Variants in NKAIN3 observed in about 807,000 individuals in gnomAD.
NKAIN3 encodes sodium/potassium-transporting ATPase subunit beta-1-interacting protein 3.
NKAIN3 carries 25 observed loss-of-function variants against 30.2 expected under a neutral mutation model. The observed-to-expected ratio is 0.83, with a 90% CI of 0.60 to 1.16. The LOEUF (loss-of-function observed/expected upper bound fraction) is 1.16, where lower values mean the gene tolerates loss of function less well. Ranked by LOEUF, NKAIN3 falls within the 50% of genes most tolerant of loss-of-function variation. The pLI, the probability that NKAIN3 is intolerant of heterozygous loss-of-function variation, is 0.00. For synonymous variants in NKAIN3, 91 were observed against 89.6 expected (o/e 1.02, Z -0.09); for missense variants, 225 against 254.1 (o/e 0.89, Z 0.78).
intron 1 of NKAIN3, among the ~76,000 whole-genome samples, chr8:62,415,390 T>A (rs1804412968): frequency 6.7e-6 from 1 of 149,434 alleles, no homozygotes; most frequent in African/African-American, 2.4e-5. Flanking sequence ...ATTATAATAA[T>A]TGCTAAATAA....
intron 4 of NKAIN3, among the ~76,000 whole-genome samples, chr8:62,778,379 G>A (rs923139982): frequency 2.0e-5 from 3 of 152,096 alleles, no homozygotes; most frequent in Non-Finnish European, 4.4e-5. Context: ...ACCAGATACT[G>A]TATGCTACGG....
chr8:62,671,119 C>T (rs535838406), intron 3 of NKAIN3, among the ~76,000 whole-genome samples: 1 of 152,262 alleles, frequency 6.6e-6, no homozygotes, highest in African/African-American at 2.4e-5. Flanking sequence ...ATGCTGTCTT[C>T]ATTCTCACAT....
At chr8:62,594,058 G>A (rs1459411383) in intron 3 of NKAIN3, among the ~76,000 whole-genome samples, 1 of 151,954 alleles carries the variant, frequency 6.6e-6, no homozygotes, top group African/African-American at 2.4e-5. Flanking sequence ...TCTGGGGCTA[G>A]CCAGATGCCT....
At chr8:62,281,757 C>A (rs1307802637) in intron 1 of NKAIN3, among the ~76,000 whole-genome samples, 1 of 152,012 alleles carries the variant, frequency 6.6e-6, no homozygotes, top group Non-Finnish European at 1.5e-5. Context: ...TATTTATATG[C>A]ATATATGTAA....
intron 4 of NKAIN3, among the ~76,000 whole-genome samples, chr8:62,767,854 A>C: frequency 6.6e-6 from 1 of 152,032 alleles, no homozygotes; most frequent in East Asian, 1.9e-4. Context: ...AAAACTTGGT[A>C]CAAAAAAGAA....
At chr8:62,589,398 G>A (rs1052459324) in intron 2 of NKAIN3, among the ~76,000 whole-genome samples, 8 of 151,646 alleles carry the variant, frequency 5.3e-5, no homozygotes, top group African/African-American at 1.9e-4. Context: ...TTGCATAGTT[G>A]TGTTCCCTAG....
At chr8:62,951,272 T>C (rs1265127688) in intron 5 of NKAIN3, among the ~76,000 whole-genome samples, 3 of 152,084 alleles carry the variant, frequency 2.0e-5, no homozygotes, top group African/African-American at 7.2e-5. Context: ...CACTGACACA[T>C]TAGGAGAAGA....
chr8:62,324,821 T>C (rs901718048), intron 1 of NKAIN3, among the ~76,000 whole-genome samples: 1 of 152,176 alleles, frequency 6.6e-6, no homozygotes, highest in African/African-American at 2.4e-5. Flanking sequence ...CTTTCTATTT[T>C]GCTAATGGTT....
intron 3 of NKAIN3, among the ~76,000 whole-genome samples, chr8:62,635,708 TCA>T (rs1812104961): frequency 6.6e-6 from 1 of 152,088 alleles, no homozygotes; most frequent in African/African-American, 2.4e-5. Context: ...GGAGCAGCCC[TCA>T]CAAGACACCA....
chr8:62,953,391 T>C (rs947932729), intron 5 of NKAIN3, among the ~76,000 whole-genome samples: 3 of 152,244 alleles, frequency 2.0e-5, no homozygotes, highest in African/African-American at 7.2e-5. Flanking sequence ...AGCCAGTTAC[T>C]CTGCCATTAG....
intron 4 of NKAIN3, among the ~76,000 whole-genome samples, chr8:62,835,271 T>G (rs1263661997): frequency 6.6e-6 from 1 of 152,070 alleles, no homozygotes; most frequent in Non-Finnish European, 1.5e-5. Flanking sequence ...GCAAATAATT[T>G]ATGACTAAGT....
intron 3 of NKAIN3, among the ~76,000 whole-genome samples, chr8:62,600,429 G>A (rs950426300): frequency 6.6e-6 from 1 of 151,912 alleles, no homozygotes; most frequent in African/African-American, 2.4e-5. Context: ...CTTCCCATCA[G>A]TTTTTTTCCA....
intron 4 of NKAIN3, among the ~76,000 whole-genome samples, chr8:62,903,094 C>T (rs924001992): frequency 6.6e-6 from 1 of 152,154 alleles, no homozygotes; most frequent in African/African-American, 2.4e-5. Context: ...AAGTGCTTCC[C>T]ATACACATAA....
At chr8:62,613,335 TG>T (rs1168903736) in intron 3 of NKAIN3, among the ~76,000 whole-genome samples, 1 of 152,186 alleles carries the variant, frequency 6.6e-6, no homozygotes, top group African/African-American at 2.4e-5. Context: ...GCTTTAAATA[TG>T]TCCTGCCACT....
chr8:62,314,886 C>T (rs1045441304), intron 1 of NKAIN3, among the ~76,000 whole-genome samples: 1 of 152,078 alleles, frequency 6.6e-6, no homozygotes, highest in African/African-American at 2.4e-5. Flanking sequence ...ACCTAATATT[C>T]TCCTGTGAAG....
intron 3 of NKAIN3, among the ~76,000 whole-genome samples, chr8:62,631,116 C>T (rs770879554): frequency 6.6e-6 from 1 of 152,120 alleles, no homozygotes; most frequent in Non-Finnish European, 1.5e-5. Flanking sequence ...AAGCCAACAC[C>T]TCTCCGCTGT....
intron 1 of NKAIN3, among the ~76,000 whole-genome samples, chr8:62,443,585 CT>C (rs1368377052): frequency 1.3e-5 from 2 of 151,650 alleles, no homozygotes; most frequent in Admixed American, 1.3e-4. Flanking sequence ...GTTTCACCAT[CT>C]TGGCCAGGCT....
At chr8:62,926,371 GC>G (rs1822442927) in intron 5 of NKAIN3, among the ~76,000 whole-genome samples, 2 of 152,094 alleles carry the variant, frequency 1.3e-5, no homozygotes, top group Admixed American at 1.3e-4. Flanking sequence ...GGCTCTGCCA[GC>G]CCCCCTGTGG....
chr8:62,355,022 C>G (rs908426028), intron 1 of NKAIN3, among the ~76,000 whole-genome samples: 4 of 152,170 alleles, frequency 2.6e-5, no homozygotes, highest in Non-Finnish European at 5.9e-5. Context: ...CCTCTATCTT[C>G]TCAGGCTGTT....
Sources: allele counts gnomAD v4.1 joint callset (sites outside exome capture counted in the v4.1 genomes callset), GRCh38; gene constraint gnomAD v4.1.1; transcripts MANE v1.5; gene names NCBI Gene and HGNC (gene_info 2026-07-23, HGNC 2026-07-21).